The following NTM variants were observed in gnomAD, a reference collection of about 807,000 sequenced individuals.
NTM encodes the protein neurotrimin, also known as IgLON family member 2.
NTM carries 13 observed loss-of-function variants against 42.1 expected under a neutral mutation model. The ratio of observed to expected loss-of-function variants is 0.31; its 90% CI spans 0.20 to 0.49. NTM has a LOEUF of 0.49. Among genes scored for constraint, NTM ranks in the 20% least tolerant of loss-of-function variants. The pLI is 0.99. For missense variants in NTM, 373 were observed against 452.8 expected (o/e 0.82, Z 1.60); for synonymous variants, 187 against 179.2 (o/e 1.04, Z -0.35).
At chr11:131,706,801 T>C (rs2076637413) in intron 1 of NTM, among the ~76,000 whole-genome samples, 1 of 151,888 alleles carries the variant, frequency 6.6e-6, no homozygotes, top group South Asian at 2.1e-4. Flanking sequence ...CATGAAAACA[T>C]AACATACCAA....
intron 2 of NTM, among the ~76,000 whole-genome samples, chr11:132,014,050 A>C: frequency 6.6e-6 from 1 of 151,164 alleles, no homozygotes; most frequent in East Asian, 1.9e-4. Flanking sequence ...CTTCCTCTCC[A>C]CCCCTTCACA....
intron 3 of NTM, among the ~76,000 whole-genome samples, chr11:132,179,122 C>T (rs1181021284): frequency 3.9e-5 from 6 of 152,142 alleles, no homozygotes; most frequent in Non-Finnish European, 8.8e-5. Flanking sequence ...GGAAACTCCA[C>T]CCTCTGCTAA....
intron 1 of NTM, among the ~76,000 whole-genome samples, chr11:131,906,888 A>G (rs749588116): frequency 2.0e-5 from 3 of 152,164 alleles, no homozygotes; most frequent in African/African-American, 7.2e-5. Context: ...ATGTTGGACT[A>G]TAGCCCAGAT....
At chr11:131,785,064 G>A (rs2088896297) in intron 1 of NTM, among the ~76,000 whole-genome samples, 1 of 152,078 alleles carries the variant, frequency 6.6e-6, no homozygotes, top group East Asian at 1.9e-4. Context: ...ACACATATTG[G>A]TAGGTTTTCT....
intron 7 of NTM, among the ~76,000 whole-genome samples, chr11:132,317,275 T>G (rs1305393629): frequency 6.6e-6 from 1 of 152,082 alleles, no homozygotes; most frequent in South Asian, 2.1e-4. Flanking sequence ...GAATTTGGTG[T>G]CCTAAGATGA....
chr11:131,482,095 G>A (rs1953663464), intron 1 of NTM, among the ~76,000 whole-genome samples: 1 of 152,222 alleles, frequency 6.6e-6, no homozygotes. Context: ...GGGACCCAAG[G>A]TTAATGGCCC....
intron 4 of NTM, among the ~76,000 whole-genome samples, chr11:132,279,700 C>A (rs1268167121): frequency 2.6e-5 from 4 of 152,084 alleles, no homozygotes; most frequent in Non-Finnish European, 5.9e-5. Flanking sequence ...AGTGCTACCT[C>A]TTCTATTAAT....
intron 2 of NTM, among the ~76,000 whole-genome samples, chr11:131,918,691 C>T (rs1371002673): frequency 2.0e-5 from 3 of 152,124 alleles, no homozygotes; most frequent in Admixed American, 6.5e-5. Flanking sequence ...TCCTCTCCCA[C>T]TAGAGACCCA....
At chr11:132,111,900 T>A (rs1457470516) in intron 2 of NTM, among the ~76,000 whole-genome samples, 2 of 152,262 alleles carry the variant, frequency 1.3e-5, no homozygotes, top group African/African-American at 4.8e-5. Context: ...TGTCAGTGAT[T>A]CGTGCTTGAG....
chr11:131,768,622 G>C (rs1196367530), intron 1 of NTM, among the ~76,000 whole-genome samples: 1 of 152,174 alleles, frequency 6.6e-6, no homozygotes, highest in African/African-American at 2.4e-5. Flanking sequence ...GTCAATAACT[G>C]CCTAGAGAAA....
intron 4 of NTM, among the ~76,000 whole-genome samples, chr11:132,248,468 C>T (rs2091515264): frequency 6.6e-6 from 1 of 152,044 alleles, no homozygotes; most frequent in Non-Finnish European, 1.5e-5. Flanking sequence ...CATCTGAGCA[C>T]CAGGAGGCTG....
intron 1 of NTM, among the ~76,000 whole-genome samples, chr11:131,618,464 C>T (rs572682927): frequency 7.2e-4 from 110 of 152,316 alleles, no homozygotes; most frequent in African/African-American, 2.6e-3. Flanking sequence ...TATACCTCTT[C>T]TCTGTGCCCT....
intron 7 of NTM, among the ~76,000 whole-genome samples, chr11:132,318,627 C>T (rs1273447097): frequency 1.3e-5 from 2 of 152,156 alleles, no homozygotes; most frequent in South Asian, 4.1e-4. Flanking sequence ...TCCAAGCAAG[C>T]AGTGGAATAA....
At chr11:131,532,225 AC>A (rs971344540) in intron 1 of NTM, among the ~76,000 whole-genome samples, 28 of 151,832 alleles carry the variant, frequency 1.8e-4, no homozygotes, top group African/African-American at 6.8e-4. Context: ...TTAAACAAGA[AC>A]TCCCCATTCT....
chr11:132,280,066 T>A (rs1046214797), intron 4 of NTM, among the ~76,000 whole-genome samples: 1 of 152,234 alleles, frequency 6.6e-6, no homozygotes, highest in African/African-American at 2.4e-5. Flanking sequence ...AACATCAGCG[T>A]TGAATTTTTA....
intron 2 of NTM, among the ~76,000 whole-genome samples, chr11:132,049,358 A>T (rs2078512113): frequency 6.6e-6 from 1 of 152,124 alleles, no homozygotes; most frequent in African/African-American, 2.4e-5. Context: ...TTCCCCCTTC[A>T]TGCTATGGGG....
chr11:131,631,574 A>C (rs934045083), intron 1 of NTM, among the ~76,000 whole-genome samples: 4 of 152,226 alleles, frequency 2.6e-5, no homozygotes, highest in African/African-American at 9.6e-5. Context: ...ATGTGGAATT[A>C]AGCACTGTAG....
At chr11:132,063,834 G>T (rs1239948813) in intron 2 of NTM, among the ~76,000 whole-genome samples, 1 of 152,158 alleles carries the variant, frequency 6.6e-6, no homozygotes. Flanking sequence ...TACAAAAAGA[G>T]GCAGACATAG....
At chr11:132,064,773 T>C (rs1224530172) in intron 2 of NTM, among the ~76,000 whole-genome samples, 1 of 152,182 alleles carries the variant, frequency 6.6e-6, no homozygotes, top group East Asian at 1.9e-4. Flanking sequence ...CAACTTCACT[T>C]TCCATAGGGG....
Sources: allele counts gnomAD v4.1 joint callset (sites outside exome capture counted in the v4.1 genomes callset), GRCh38; gene constraint gnomAD v4.1.1; transcripts MANE v1.5; gene names NCBI Gene and HGNC (gene_info 2026-07-23, HGNC 2026-07-21).